ACCSL: variants seen among roughly 807,000 people sequenced by gnomAD.
ACCSL encodes the protein probable inactive 1-aminocyclopropane-1-carboxylate synthase-like protein 2.
A neutral mutation model predicts 61.7 loss-of-function variants in ACCSL; 55 were observed. That is an observed-to-expected ratio of 0.89 (90% CI 0.72 to 1.12). ACCSL has a LOEUF of 1.12. ACCSL is among the 50% of genes most tolerant of loss of function. The pLI, the probability that ACCSL is intolerant of heterozygous loss-of-function variation, is 0.00. For missense variants in ACCSL, 632 were observed against 698.0 expected, an observed-to-expected ratio of 0.91 and a Z score of 1.07; for synonymous variants, 258 against 264.3, an observed-to-expected ratio of 0.98 and a Z score of 0.23.
chr11:44,056,337 C>G lies in ACCSL; in HGVS notation c.1327+11C>G, dbSNP rs1490919226. ...TGCTCCAGAACACAGGTACTGAGCT[C>G]TAGCACAGACCAGCATGTTGGCTGG... On this transcript the variant is annotated intron_variant, in intron 11 of 13. Coordinates refer to ENST00000378832, the MANE Select transcript of ACCSL (RefSeq NM_001031854.2). The G allele has an allele frequency of 1.9e-6, 3 of 1,610,726 alleles. No individual in the cohort carries two copies. The highest frequency in any genetic ancestry group is 1.7e-6 in the Non-Finnish European group (2 of 1,178,650).
At chr11:44,022,215 C>T in the ACCSL span, among the ~76,000 whole-genome samples, 1 of 152,068 alleles carries the variant, frequency 6.6e-6, no homozygotes, top group Non-Finnish European at 1.5e-5. Flanking sequence ...GCAGTATGGT[C>T]ATTTTCACAA....
At chr11:43,997,404 GTTAA>G in the ACCSL span, among the ~76,000 whole-genome samples, 1 of 152,108 alleles carries the variant, frequency 6.6e-6, no homozygotes, top group Non-Finnish European at 1.5e-5. Flanking sequence ...CGTATATCAG[GTTAA>G]TTCTTAGTTT....
In ACCSL at chr11:44,051,651, AGGT is replaced by A; in HGVS notation, c.711_713del (p.Val238del). 1 of 1,614,126 alleles carries A rather than the reference AGGT, an allele frequency of 6.2e-7. No homozygotes were observed. Among genetic ancestry groups the A allele is most frequent in the Non-Finnish European group, 8.5e-7 (1 of 1,180,012 alleles). On this transcript the variant is annotated splice_acceptor_variant and coding_sequence_variant, in exon 5 of 14. Coordinates refer to ENST00000378832, the MANE Select transcript of ACCSL (RefSeq NM_001031854.2). LOFTEE classifies it high-confidence loss of function. ...CTTCTGCCTCTCATGTGTTGTCTTC[AGGT>A]GGTGGTTCTAAATGGCTGCTGCTCT...
At chr11:44,054,370 C>T (rs1187029615) in intron 8 of ACCSL, among the ~76,000 whole-genome samples, 1 of 151,998 alleles carries the variant, frequency 6.6e-6, no homozygotes, top group Non-Finnish European at 1.5e-5. Flanking sequence ...AATGGGTTCA[C>T]TTCCCAGCTA....
the ACCSL span, among the ~76,000 whole-genome samples, chr11:43,955,479 A>G: frequency 6.6e-6 from 1 of 152,148 alleles, no homozygotes; most frequent in Admixed American, 6.5e-5. Context: ...AATTGATATG[A>G]GGCTGGCCAC....
the ACCSL span, among the ~76,000 whole-genome samples, chr11:43,931,606 G>A: frequency 0.022 from 3,425 of 152,302 alleles, 50 homozygotes; most frequent in South Asian, 0.07. Flanking sequence ...ACATCTCTGA[G>A]CCTCTTTCCT....
At chr11:43,937,043 G>A in the ACCSL span, among the ~76,000 whole-genome samples, 3 of 152,170 alleles carry the variant, frequency 2.0e-5, no homozygotes, top group African/African-American at 7.2e-5. Flanking sequence ...ATCCAGGGGA[G>A]TGGAGGGAGT....
the ACCSL span, among the ~76,000 whole-genome samples, chr11:43,982,495 C>T: frequency 6.6e-6 from 1 of 151,966 alleles, no homozygotes; most frequent in Non-Finnish European, 1.5e-5. Context: ...CCCAAAGTGG[C>T]AAGGCCCTCT....
chr11:43,968,594 TA>T, the ACCSL span, among the ~76,000 whole-genome samples: 14 of 152,356 alleles, frequency 9.2e-5, no homozygotes, highest in African/African-American at 3.4e-4. Flanking sequence ...TACTATCATC[TA>T]AAACTTCAGC....
At chr11:44,026,842 G>A in the ACCSL span, among the ~76,000 whole-genome samples, 6 of 151,950 alleles carry the variant, frequency 3.9e-5, no homozygotes, top group South Asian at 1.0e-3. Flanking sequence ...CCATTCTCCC[G>A]CCTCAGCCTC....
chr11:44,059,804 A>G (rs1165182894), intron 13 of ACCSL, 34 bp from the exon 14 acceptor site: 3 of 1,597,020 alleles, frequency 1.9e-6, no homozygotes, highest in Non-Finnish European at 2.6e-6. Flanking sequence ...CTACTAAATC[A>G]CTATTTCTCT....
the ACCSL span, among the ~76,000 whole-genome samples, chr11:44,022,841 A>G: frequency 7.2e-4 from 109 of 152,030 alleles, no homozygotes; most frequent in African/African-American, 2.6e-3. Context: ...GGGTAATTCA[A>G]GCCTTATGAA....
chr11:44,008,538 G>A, the ACCSL span, among the ~76,000 whole-genome samples: 5 of 152,334 alleles, frequency 3.3e-5, no homozygotes, highest in Admixed American at 3.3e-4. Flanking sequence ...CTGTAAAAGG[G>A]GATTGATAGA....
the ACCSL span, among the ~76,000 whole-genome samples, chr11:43,936,719 G>A: frequency 6.6e-6 from 1 of 151,696 alleles, no homozygotes; most frequent in South Asian, 2.1e-4. Flanking sequence ...CTTGGGCAGG[G>A]AAGGGCAGAG....
rs1327043456 is a variant in ACCSL at position 44,052,769 on chromosome 11, G to C, written c.870+10G>C. 3.1e-6 allele frequency: 5 copies of C among 1,612,052 alleles called. No homozygotes were observed. The highest frequency in any genetic ancestry group is 3.4e-6 in the Non-Finnish European group (4 of 1,178,312). ...CCACCTGGAGAGTGAGGTCTGAATG[G>C]GGCCCCTTCCCTGCTCAGTATGCCT... On this transcript the variant is annotated intron_variant, in intron 6 of 13. Transcript: ENST00000378832.
the ACCSL span, among the ~76,000 whole-genome samples, chr11:43,933,586 G>A: frequency 6.6e-6 from 1 of 152,248 alleles, no homozygotes; most frequent in South Asian, 2.1e-4. Context: ...AAGATTCTCA[G>A]ACCAGTGGTC....
At chr11:43,966,330 A>G in the ACCSL span, among the ~76,000 whole-genome samples, 3 of 152,008 alleles carry the variant, frequency 2.0e-5, no homozygotes, top group South Asian at 6.2e-4. Context: ...GAAGGCTGAA[A>G]TGGGAGAATC....
chr11:44,034,599 T>C, the ACCSL span, among the ~76,000 whole-genome samples: 1 of 151,900 alleles, frequency 6.6e-6, no homozygotes, highest in Non-Finnish European at 1.5e-5. Flanking sequence ...AAATTCCCCT[T>C]TATAAAACCA....
chr11:44,029,646 T>C, the ACCSL span, among the ~76,000 whole-genome samples: 1 of 152,184 alleles, frequency 6.6e-6, no homozygotes, highest in East Asian at 1.9e-4. Flanking sequence ...CATCTGCATG[T>C]TGAGGCCTAA....
Sources: gnomAD v4.1 joint callset for allele counts (sites outside exome capture counted in the v4.1 genomes callset) on GRCh38, gnomAD v4.1.1 for gene constraint, MANE v1.5 for transcripts, NCBI Gene and HGNC (gene_info 2026-07-23, HGNC 2026-07-21) for gene names.